Variants in MON2 observed in about 807,000 individuals in gnomAD.
The protein encoded by MON2 is protein MON2 homolog.
A neutral mutation model predicts 208.6 loss-of-function variants in MON2; 84 were observed. That is an observed-to-expected ratio of 0.40 (90% CI 0.34 to 0.48). MON2 has a LOEUF of 0.48. Among genes scored for constraint, MON2 ranks in the 20% least tolerant of loss-of-function variants. MON2 has a pLI of 0.59. For missense variants in MON2, 1,611 were observed against 2,015.4 expected (o/e 0.80, Z 3.84); for synonymous variants, 660 against 694.0 (o/e 0.95, Z 0.77).
At chr12:62,500,265 G>C (rs1244116783) in intron 5 of MON2, among the ~76,000 whole-genome samples, 2 of 152,116 alleles carry the variant, frequency 1.3e-5, no homozygotes, top group African/African-American at 4.8e-5. Flanking sequence ...TACAGAGAAT[G>C]ATATTTTTTA....
At chr12:62,544,315 A>T (rs2073380706) in intron 20 of MON2, among the ~76,000 whole-genome samples, 2 of 152,130 alleles carry the variant, frequency 1.3e-5, no homozygotes, top group South Asian at 2.1e-4. Flanking sequence ...GCTTGGTGGT[A>T]TATGCTTGTG....
intron 1 of MON2, among the ~76,000 whole-genome samples, chr12:62,473,318 AAT>A (rs1345415940): frequency 1.2e-4 from 2 of 16,456 alleles, no homozygotes; most frequent in Non-Finnish European, 1.1e-4. Context: ...AAAGCTGGAA[AAT>A]GGTGGAAATG....
rs1410182237 is a variant in MON2 at position 62,556,137 on chromosome 12, A to G, written c.3354A>G (p.Thr1118=). The change falls in exon 25 of 35, where the codon ACA becomes ACG. Residue 1118 remains threonine (T), a synonymous_variant. Transcript: ENST00000393630. ...EKQWAETWVL[T]LAGVARIFNT... ...AATGGGCTGAGACGTGGGTATTAAC[A>G]TTGGCTGGAGTAGCAAGGATCTTCA... is the stretch of plus-strand genomic sequence containing the variant. The G allele has an allele frequency of 2.5e-6, 4 of 1,614,136 alleles. No individual in the cohort carries two copies. The highest frequency in any genetic ancestry group is 2.2e-5 in the East Asian group (1 of 44,874).
Position 62,525,232 on chromosome 12 carries a change from T to C in MON2, c.1246+12T>C, listed in dbSNP as rs774552934. ...AAGCAACCAAGCTGGTAAAAACATA[T>C]TCATAATTTTGTTTCTTATATTCTG... On this transcript the variant is annotated intron_variant, in intron 10 of 34. Transcript: ENST00000393630. 1.2e-6 allele frequency: 2 copies of C among 1,612,360 alleles called. No individual in the cohort carries two copies. Among genetic ancestry groups the C allele is most frequent in the Admixed American group, 1.7e-5 (1 of 59,938 alleles).
intron 1 of MON2, among the ~76,000 whole-genome samples, chr12:62,472,774 G>A (rs1311256462): frequency 6.6e-6 from 1 of 152,158 alleles, no homozygotes; most frequent in Non-Finnish European, 1.5e-5. Flanking sequence ...ATCTTTACGA[G>A]CTTACTTGGG....
chr12:62,537,407 A>T, intron 15 of MON2, 144 bp downstream of exon 15: 1 of 689,694 alleles, frequency 1.4e-6, no homozygotes, highest in South Asian at 2.1e-5. Flanking sequence ...AAACTAGTTT[A>T]TGCAGTTGAC....
chr12:62,509,966 A>G (rs917716583), intron 8 of MON2, among the ~76,000 whole-genome samples: 2 of 152,110 alleles, frequency 1.3e-5, no homozygotes, highest in Non-Finnish European at 2.9e-5. Context: ...GAAATGAAGG[A>G]GGAGACATTA....
chr12:62,525,182 T>TC lies in MON2; in HGVS notation c.1214dup (p.Thr406TyrfsTer14), dbSNP rs774904019. On this transcript the variant is annotated frameshift_variant, in exon 10 of 35. Coordinates refer to ENST00000393630, the MANE Select transcript of MON2 (RefSeq NM_015026.3). LOFTEE classifies it high-confidence loss of function. ...TCTTTTATACAGTCCTTGTTTCTTG[T>TC]CCCCCCTACTGGAAATCCTGCAACA... 11 of 1,613,346 alleles carry TC rather than the reference T, an allele frequency of 6.8e-6. No individual in the cohort carries two copies. Among genetic ancestry groups the TC allele is most frequent in the Non-Finnish European group, 9.3e-6 (11 of 1,179,490 alleles).
At position 62,566,000 on chromosome 12, in the gene MON2, T is replaced by C; in HGVS notation, c.4177-14T>C. On this transcript the variant is annotated splice_polypyrimidine_tract_variant and intron_variant, in intron 27 of 34. Transcript: ENST00000393630. ...TCATTCTATTTGTCTTGCAACACAA[T>C]GGAATCACAATAGATCCAACTATTT... 1.2e-6 allele frequency: 2 copies of C among 1,606,212 alleles called. No individual in the cohort carries two copies. Among genetic ancestry groups the C allele is most frequent in the Non-Finnish European group, 1.7e-6 (2 of 1,176,284 alleles).
chr12:62,512,268 A>G (rs541540176), intron 8 of MON2, among the ~76,000 whole-genome samples: 1 of 152,334 alleles, frequency 6.6e-6, no homozygotes, highest in Non-Finnish European at 1.5e-5. Flanking sequence ...TCCACAGTCC[A>G]AAGGCTCAAC....
chr12:62,511,128 G>C (rs1292546753), intron 8 of MON2, among the ~76,000 whole-genome samples: 1 of 152,152 alleles, frequency 6.6e-6, no homozygotes, highest in African/African-American at 2.4e-5. Context: ...GAAATGGAAA[G>C]ATATCCAGTG....
At chr12:62,498,067 A>G (rs1490608442) in intron 4 of MON2, among the ~76,000 whole-genome samples, 2 of 151,046 alleles carry the variant, frequency 1.3e-5, no homozygotes, top group Admixed American at 6.6e-5. Context: ...TTTTTTAACA[A>G]TAGTCAGAAC....
chr12:62,555,592 C>G (rs2073931632), intron 24 of MON2, among the ~76,000 whole-genome samples: 1 of 152,084 alleles, frequency 6.6e-6, no homozygotes, highest in South Asian at 2.1e-4. Context: ...GGCAGTTCAC[C>G]TCAGGTCAGA....
At chr12:62,474,182 G>A (rs2068945275) in intron 1 of MON2, among the ~76,000 whole-genome samples, 2 of 147,724 alleles carry the variant, frequency 1.4e-5, no homozygotes, top group South Asian at 2.1e-4. Context: ...GCAATGGTGC[G>A]ATCTCAGCTC....
In MON2 at chr12:62,505,871, A is replaced by G. The variant is rs560735658; in HGVS notation, c.790-2415A>G. Among the ~76,000 whole-genome samples, 11 of 152,280 alleles carry G rather than the reference A, an allele frequency of 7.2e-5. No homozygotes were observed. The East Asian group carries it at 1.9e-3, about 27-fold the overall frequency. On this transcript the variant is annotated intron_variant, in intron 7 of 34. Transcript: ENST00000393630. The stretch of plus-strand genomic sequence containing the variant: ...ATACCACTGCACTCCAGCCCGGGTG[A>G]CAGAGCAAGACCCTATTTCAAAAAC...
At chr12:62,512,305 A>T (rs980135606) in intron 8 of MON2, among the ~76,000 whole-genome samples, 2 of 152,238 alleles carry the variant, frequency 1.3e-5, no homozygotes, top group African/African-American at 2.4e-5. Flanking sequence ...TCTTCTGCCT[A>T]TGAGCCTGTA....
intron 8 of MON2, among the ~76,000 whole-genome samples, chr12:62,520,802 C>CA (rs1336304586): frequency 7.0e-6 from 1 of 143,746 alleles, no homozygotes; most frequent in African/African-American, 2.6e-5. Flanking sequence ...TGGCAGGCAC[C>CA]AAAATATCCA....
At chr12:62,554,717 A>G (rs2073893672) in intron 24 of MON2, among the ~76,000 whole-genome samples, 2 of 152,026 alleles carry the variant, frequency 1.3e-5, no homozygotes. Flanking sequence ...GCTGTTCTCA[A>G]ACTCTAGGCT....
Position 62,560,988 on chromosome 12 carries a change from T to G in MON2, c.3907T>G (p.Leu1303Val). The change falls in exon 26 of 35, where the codon TTG (leucine) becomes GTG (valine). Residue 1303 changes from leucine (L) to valine (V), a missense_variant. Transcript: ENST00000393630. ...MDDLQKLGVI[L>V]HSAISVPISS... Reference sequence around the variant, plus strand: ...TGACTTGCAAAAGTTGGGAGTCATATTGCACAGTGCTATTTCAGTCCCAAT... The same window carrying G: ...TGACTTGCAAAAGTTGGGAGTCATAGTGCACAGTGCTATTTCAGTCCCAAT... The G allele has an allele frequency of 6.2e-7, 1 of 1,614,018 alleles. No individual in the cohort carries two copies. The highest frequency in any genetic ancestry group is 2.2e-5 in the East Asian group (1 of 44,866).
Sources: gnomAD v4.1 joint callset for allele counts (sites outside exome capture counted in the v4.1 genomes callset) on GRCh38, gnomAD v4.1.1 for gene constraint, MANE v1.5 for transcripts, NCBI Gene and HGNC (gene_info 2026-07-23, HGNC 2026-07-21) for gene names.